Variants in IRAK1BP1 observed in about 807,000 individuals in gnomAD.
IRAK1BP1 encodes interleukin-1 receptor-associated kinase 1-binding protein 1.
In IRAK1BP1, 24 loss-of-function variants were observed where a neutral mutation model predicts 28.0. The ratio of observed to expected loss-of-function variants is 0.86; its 90% CI spans 0.62 to 1.20. The LOEUF is 1.20. IRAK1BP1 is among the 50% of genes most tolerant of loss of function. The pLI is 0.00. For synonymous variants in IRAK1BP1, 131 were observed against 116.3 expected, an observed-to-expected ratio of 1.13 and a Z score of -0.81; for missense variants, 336 against 316.7, an observed-to-expected ratio of 1.06 and a Z score of -0.46.
At chr6:78,883,606 CAT>C (rs1456153714) in intron 1 of IRAK1BP1, among the ~76,000 whole-genome samples, 12 of 152,084 alleles carry the variant, frequency 7.9e-5, no homozygotes, top group Admixed American at 4.6e-4. Context: ...TGTTTTATGA[CAT>C]ATGTTTACAT....
At chr6:78,946,820 C>T, downstream of IRAK1BP1, 1 of 1,591,224 alleles carries the variant, frequency 6.3e-7, no homozygotes, top group Non-Finnish European at 8.5e-7. Context: ...TCTGATAAAA[C>T]TGAACTAATG....
the IRAK1BP1 span, among the ~76,000 whole-genome samples, chr6:78,961,222 A>C: frequency 6.6e-6 from 1 of 152,194 alleles, no homozygotes; most frequent in East Asian, 1.9e-4. Flanking sequence ...AGTATTTTCA[A>C]ATTTCAGTGT....
At chr6:78,923,979 A>G (rs1772815702) in intron 4 of IRAK1BP1, among the ~76,000 whole-genome samples, 1 of 152,194 alleles carries the variant, frequency 6.6e-6, no homozygotes, top group African/African-American at 2.4e-5. Context: ...AAAATCTAAA[A>G]TTGACACCCT....
At chr6:78,957,037 A>T in the IRAK1BP1 span, 15 of 152,104 alleles carry the variant, frequency 9.9e-5, no homozygotes, top group African/African-American at 3.4e-4. Flanking sequence ...TGCTAAAAAA[A>T]GTATTTTTAA....
the IRAK1BP1 span, chr6:78,955,135 AAT>A: frequency 2.2e-6 from 2 of 912,274 alleles, no homozygotes; most frequent in African/African-American, 3.4e-5. Flanking sequence ...TGAAATACTT[AAT>A]GTCTTTTAAA....
Position 78,941,303 on chromosome 6 carries a change from G to T in IRAK1BP1, c.*68-4105G>T. Reference sequence around the variant, plus strand: ...ATGGCCATTTACTTGAATGGTTCCTGGTACAAGAGCGTTGTTCTTACAATC... The same window carrying T: ...ATGGCCATTTACTTGAATGGTTCCTTGTACAAGAGCGTTGTTCTTACAATC... On this transcript the variant is annotated intron_variant and NMD_transcript_variant, in intron 4 of 4. Transcript: ENST00000606868. The T allele has an allele frequency of 3.1e-6, 5 of 1,613,130 alleles. No individual in the cohort carries two copies. The South Asian group carries it at 5.5e-5, about 18-fold the overall frequency.
chr6:78,946,177 A>T, exon 5 of IRAK1BP1: 1 of 1,613,948 alleles, frequency 6.2e-7, no homozygotes, highest in Non-Finnish European at 8.5e-7. Flanking sequence ...TCTTGGCGGT[A>T]TTGATCGTGT....
exon 5 of IRAK1BP1, chr6:78,945,777 T>C: frequency 1.7e-6 from 1 of 591,634 alleles, no homozygotes; most frequent in Non-Finnish European, 3.0e-6. Flanking sequence ...ATTCAGGTAG[T>C]TTAGATCAGA....
chr6:78,874,925 G>A (rs1770940658), intron 1 of IRAK1BP1, among the ~76,000 whole-genome samples: 1 of 152,078 alleles, frequency 6.6e-6, no homozygotes, highest in Admixed American at 6.6e-5. Flanking sequence ...CTTCTGCACA[G>A]CAAATGAAAC....
chr6:78,927,216 C>T (rs2127668697), intron 4 of IRAK1BP1, among the ~76,000 whole-genome samples: 1 of 152,120 alleles, frequency 6.6e-6, no homozygotes, highest in Non-Finnish European at 1.5e-5. Context: ...TTTGTTATTG[C>T]CTGTCTTTTG....
chr6:78,873,626 G>T (rs959696129), intron 1 of IRAK1BP1, among the ~76,000 whole-genome samples: 1 of 151,866 alleles, frequency 6.6e-6, no homozygotes, highest in Non-Finnish European at 1.5e-5. Flanking sequence ...CTACAGGCAC[G>T]CACCTCCATG....
chr6:78,941,675 T>C (rs1249542869), intron 4 of IRAK1BP1, among the ~76,000 whole-genome samples: 2 of 152,168 alleles, frequency 1.3e-5, no homozygotes, highest in South Asian at 2.1e-4. Context: ...ACTTTGTTCT[T>C]AGAACTGTTT....
At chr6:78,882,839 A>C (rs1771279373) in intron 1 of IRAK1BP1, among the ~76,000 whole-genome samples, 1 of 152,232 alleles carries the variant, frequency 6.6e-6, no homozygotes. Context: ...TTGGCTTTTT[A>C]GTTTAGACAG....
chr6:78,876,592 T>G (rs1771012511), intron 1 of IRAK1BP1, among the ~76,000 whole-genome samples: 1 of 152,192 alleles, frequency 6.6e-6, no homozygotes, highest in African/African-American at 2.4e-5. Context: ...ATTGGATAAC[T>G]CGTTGTTGTT....
chr6:78,932,807 C>T (rs1306155722), intron 4 of IRAK1BP1, among the ~76,000 whole-genome samples: 1 of 152,154 alleles, frequency 6.6e-6, no homozygotes, highest in Non-Finnish European at 1.5e-5. Flanking sequence ...TGTTAGCAGG[C>T]ATGAAAGCAA....
the IRAK1BP1 span, among the ~76,000 whole-genome samples, chr6:78,976,143 A>T: frequency 6.7e-6 from 1 of 150,154 alleles, no homozygotes; most frequent in Non-Finnish European, 1.5e-5. Context: ...GGCTACAGTA[A>T]CCAAAACAGC....
chr6:78,943,191 C>T (rs1200128201), intron 4 of IRAK1BP1, among the ~76,000 whole-genome samples: 2 of 151,984 alleles, frequency 1.3e-5, no homozygotes, highest in East Asian at 3.9e-4. Flanking sequence ...ACATATATGG[C>T]TTGTATTATA....
intron 2 of IRAK1BP1, among the ~76,000 whole-genome samples, chr6:78,891,488 TCTCA>T (rs1771660113): frequency 6.6e-6 from 1 of 150,702 alleles, no homozygotes; most frequent in African/African-American, 2.4e-5. Context: ...TGAGACGAAG[TCTCA>T]CTCTTGTCAC....
At chr6:78,885,023 A>G (rs1188674885) in intron 1 of IRAK1BP1, among the ~76,000 whole-genome samples, 1 of 152,120 alleles carries the variant, frequency 6.6e-6, no homozygotes, top group Non-Finnish European at 1.5e-5. Context: ...AAGCAAATCA[A>G]GTCATAACAT....
Sources: allele counts gnomAD v4.1 joint callset (sites outside exome capture counted in the v4.1 genomes callset), GRCh38; gene constraint gnomAD v4.1.1; transcripts MANE v1.5; gene names NCBI Gene and HGNC (gene_info 2026-07-23, HGNC 2026-07-21).